TAF1: variants seen among roughly 807,000 people sequenced by gnomAD.
The protein encoded by TAF1 is TATA-box binding protein associated factor 1.
TAF1 carries 2 observed loss-of-function variants against 138.5 expected under a neutral mutation model. The ratio of observed to expected loss-of-function variants is 0.01; its 90% CI spans 0.01 to 0.05. The LOEUF (loss-of-function observed/expected upper bound fraction) is 0.05. Ranked by LOEUF, TAF1 falls within the 10% of genes least tolerant of loss-of-function variation. TAF1 has a pLI of 1.00. For missense variants in TAF1, 709 were observed against 1,478.0 expected (o/e 0.48, Z 8.53); for synonymous variants, 437 against 503.2 (o/e 0.87, Z 1.76).
chrX:71,525,033 G>GTTTA (rs755150420), intron 13 of TAF1, among the ~76,000 whole-genome samples: 43 of 110,177 alleles, frequency 3.9e-4, no homozygotes, highest in Non-Finnish European at 3.0e-4. Flanking sequence ...TTACCTCTGT[G>GTTTA]TTTATTTATT....
At chrX:71,506,701 CAA>C (rs770560479) in intron 13 of TAF1, among the ~76,000 whole-genome samples, 20 of 63,465 alleles carry the variant, frequency 3.2e-4, no homozygotes, top group Non-Finnish European at 4.1e-4. Context: ...GACCCTGTCT[CAA>C]AAAAAAAAAA....
chrX:71,457,236 A>G lies in TAF1; in HGVS notation c.4939-1005A>G, dbSNP rs2038347846. Reference sequence around the variant, plus strand: ...TTTTTTAAAAAACACAATGTAACACATATCTGTTCTATCTGTTGATAAAAG... The same window carrying G: ...TTTTTTAAAAAACACAATGTAACACGTATCTGTTCTATCTGTTGATAAAAG... On this transcript the variant is annotated intron_variant, in intron 34 of 37. Coordinates refer to ENST00000423759, the MANE Select transcript of TAF1 (RefSeq NM_004606.5). 2.7e-5 allele frequency among the ~76,000 whole-genome samples: 3 copies of G among 112,611 alleles called. No homozygotes were observed. In the South Asian group the frequency reaches 1.1e-3, roughly 41 times the overall value.
rs2148693179 is a variant in TAF1 at position 71,437,796 on chromosome X, A to G, written c.4753+13558A>G. Among the ~76,000 whole-genome samples, 3 of 107,505 alleles carry G rather than the reference A, an allele frequency of 2.8e-5. 1 individual carries two copies. The highest frequency in any genetic ancestry group is 8.0e-4 in the South Asian group (2 of 2,491). 93.4% of individuals were successfully genotyped at this position (107,505 alleles called of 115,157 possible). On this transcript the variant is annotated intron_variant, in intron 32 of 37. Coordinates refer to ENST00000423759, the MANE Select transcript of TAF1 (RefSeq NM_004606.5). ...CTCTTTCCATACAGACTTTTTTATT[A>G]TGGAAAATATACATAATATAAAAAT...
At chrX:71,455,796 C>A (rs1353919267) in intron 34 of TAF1, among the ~76,000 whole-genome samples, 1 of 112,225 alleles carries the variant, frequency 8.9e-6, no homozygotes, top group Non-Finnish European at 1.9e-5. Flanking sequence ...TGCCAATTCC[C>A]ACAGGAAAAT....
At chrX:71,459,977 G>A (rs2038479293) in intron 36 of TAF1, among the ~76,000 whole-genome samples, 1 of 112,328 alleles carries the variant, frequency 8.9e-6, no homozygotes, top group Non-Finnish European at 1.9e-5. Context: ...AGTGGCTCAT[G>A]CCTGTAATCC....
intron 37 of TAF1, 33 bp downstream of exon 37, chrX:71,460,836 C>G (rs1427924732): frequency 2.6e-6 from 3 of 1,166,885 alleles, no homozygotes; most frequent in Non-Finnish European, 3.4e-6. Context: ...AGGGCTGTGG[C>G]ATCAGTGCCC....
chrX:71,406,843 C>T lies in TAF1; in HGVS notation c.4107+97C>T, dbSNP rs756475540. The T allele has an allele frequency of 4.9e-5, 31 of 637,244 alleles. 1 individual carries two copies. In the South Asian group the frequency reaches 8.8e-4, roughly 18 times the overall value. 52.5% of individuals were successfully genotyped at this position (637,244 alleles called of 1,213,427 possible). On this transcript the variant is annotated intron_variant, in intron 26 of 37. Coordinates refer to ENST00000423759, the MANE Select transcript of TAF1 (RefSeq NM_004606.5). ...CTGACAGCCTTAGATTCTCCAGTTG[C>T]CTTGCCCTGAGAATTATTTGTACTG...
intron 24 of TAF1, among the ~76,000 whole-genome samples, chrX:71,399,021 C>T (rs2035010655): frequency 9.0e-6 from 1 of 110,593 alleles, no homozygotes; most frequent in Non-Finnish European, 1.9e-5. Context: ...CTCACTGCAG[C>T]CTCTGCCTCC....
At chrX:71,454,128 C>A in intron 32 of TAF1, 42 bp from the exon 33 acceptor site, 2 of 1,131,308 alleles carry the variant, frequency 1.8e-6, no homozygotes, top group South Asian at 1.9e-5. Context: ...AATTCTGGAA[C>A]AAGTCTGCAA....
At chrX:71,446,424 A>T (rs1452777245) in intron 32 of TAF1, among the ~76,000 whole-genome samples, 2 of 112,001 alleles carry the variant, frequency 1.8e-5, no homozygotes. Flanking sequence ...TATAACTTAA[A>T]ATTTTATAAA....
chrX:71,449,913 C>T (rs756940043), intron 32 of TAF1, among the ~76,000 whole-genome samples: 1 of 111,352 alleles, frequency 9.0e-6, no homozygotes, highest in Non-Finnish European at 1.9e-5. Flanking sequence ...GCTGGGACTA[C>T]AGGTGCACAC....
chrX:71,523,065 C>A (rs2039932568), intron 13 of TAF1, among the ~76,000 whole-genome samples: 1 of 107,577 alleles, frequency 9.3e-6, no homozygotes, highest in Non-Finnish European at 1.9e-5. Context: ...GCCTGTAGTC[C>A]CCACCACTCA....
At chrX:71,440,757 T>C (rs1157643079) in intron 32 of TAF1, among the ~76,000 whole-genome samples, 1 of 111,639 alleles carries the variant, frequency 9.0e-6, no homozygotes, top group Non-Finnish European at 1.9e-5. Context: ...TAGCTGTTCT[T>C]CTATTGTGAT....
chrX:71,397,612 A>T, intron 23 of TAF1, 146 bp downstream of exon 23: 1 of 672,944 alleles, frequency 1.5e-6, no homozygotes, highest in Admixed American at 3.3e-5. Context: ...CTTCCAGAGT[A>T]GCTGGGATTA....
intron 13 of TAF1, among the ~76,000 whole-genome samples, chrX:71,508,610 A>AAAAAAAAAAAAAG (rs929521100): frequency 1.9e-5 from 2 of 104,980 alleles, no homozygotes; most frequent in African/African-American, 3.5e-5. Context: ...GTCTCTGAAA[A>AAAAAAAAAAAAAG]AAAAAAAAAA....
chrX:71,422,212 G>C (rs963388862), intron 29 of TAF1, among the ~76,000 whole-genome samples: 2 of 111,580 alleles, frequency 1.8e-5, no homozygotes, highest in Admixed American at 9.6e-5. Flanking sequence ...TGTGTGTGGG[G>C]AGCTATGATG....
chrX:71,503,278 A>AAAAAATATATATATATGTG (rs1569408244), intron 13 of TAF1, among the ~76,000 whole-genome samples: 1 of 84,960 alleles, frequency 1.2e-5, no homozygotes, highest in African/African-American at 5.7e-5. Context: ...CAAAAAAAAA[A>AAAAAATATATATATATGTG]TATATATATA....
At chrX:71,516,572 T>A in intron 13 of TAF1, among the ~76,000 whole-genome samples, 1 of 106,665 alleles carries the variant, frequency 9.4e-6, no homozygotes, top group Non-Finnish European at 1.9e-5. Flanking sequence ...AGCCCAAGAG[T>A]TCAAGGCTAC....
At position 71,393,457 on chromosome X, in the gene TAF1, A is replaced by G. The variant is rs772327742; in HGVS notation, c.3208A>G (p.Ile1070Val). 4.2e-6 allele frequency: 5 copies of G among 1,196,018 alleles called. No individual in the cohort carries two copies. Among genetic ancestry groups the G allele is most frequent in the Non-Finnish European group, 1.1e-6 (1 of 890,020 alleles). Residue 1070 changes from isoleucine (I) to valine (V), a missense_variant, in exon 21 of 38, where the codon ATC becomes GTC. Transcript: ENST00000423759. The part of the protein sequence containing the change: ...QERYKEECQR[I>V]FDLQNKVLSS... ...GCGTTACAAAGAGGAATGTCAGCGC[A>G]TCTTTGACCTACAGAACAAGTGGGT...
Sources: allele counts gnomAD v4.1 joint callset (sites outside exome capture counted in the v4.1 genomes callset), GRCh38; gene constraint gnomAD v4.1.1; transcripts MANE v1.5; gene names NCBI Gene and HGNC (gene_info 2026-07-23, HGNC 2026-07-21).